DNAJC19: variants seen among roughly 807,000 people sequenced by gnomAD.
DNAJC19 encodes mitochondrial import inner membrane translocase subunit TIM14.
DNAJC19 carries 15 observed loss-of-function variants against 19.8 expected under a neutral mutation model. The observed-to-expected ratio is 0.76, with a 90% CI of 0.51 to 1.17. The LOEUF (loss-of-function observed/expected upper bound fraction) is 1.17. DNAJC19 is among the 50% of genes most tolerant of loss of function. The pLI, the probability that DNAJC19 is intolerant of heterozygous loss-of-function variation, is 0.00. For synonymous variants in DNAJC19, 38 were observed against 42.1 expected, an observed-to-expected ratio of 0.90 and a Z score of 0.38; for missense variants, 105 against 140.9, an observed-to-expected ratio of 0.75 and a Z score of 1.29.
intron 4 of DNAJC19, among the ~76,000 whole-genome samples, chr3:180,986,286 G>GTTTTT (rs138755965): frequency 7.2e-6 from 1 of 138,604 alleles, no homozygotes. Flanking sequence ...GAAGAGTTTT[G>GTTTTT]TTTTTTTTTT....
At chr3:180,988,350 T>TTTA in intron 1 of DNAJC19, 121 bp from the exon 2 acceptor site, 1 of 1,116,498 alleles carries the variant, frequency 9.0e-7, no homozygotes, top group Non-Finnish European at 1.3e-6. Context: ...AACTTTTTTT[T>TTTA]TTCTTTTTTT....
intron 5 of DNAJC19, 47 bp downstream of exon 5, chr3:180,985,879 C>T: frequency 1.3e-6 from 2 of 1,482,212 alleles, no homozygotes. Flanking sequence ...CCATTAATAA[C>T]TATTGGTCAC....
intron 1 of DNAJC19, chr3:180,989,393 C>T: frequency 7.0e-7 from 1 of 1,435,728 alleles, no homozygotes; most frequent in East Asian, 2.5e-5. Flanking sequence ...GCTGGAGAAC[C>T]GTGCAGAAAG....
At chr3:180,984,847 A>T in intron 5 of DNAJC19, 137 bp from the exon 6 acceptor site, 1 of 622,168 alleles carries the variant, frequency 1.6e-6, no homozygotes, top group Non-Finnish European at 2.8e-6. Flanking sequence ...TTTTTAAAAA[A>T]TAACCCTGAC....
chr3:180,984,842 A>T (rs994927418), intron 5 of DNAJC19, 132 bp from the exon 6 acceptor site: 2 of 633,132 alleles, frequency 3.2e-6, no homozygotes, highest in Non-Finnish European at 5.5e-6. Context: ...TTTAATTTTT[A>T]AAAAATAACC....
In DNAJC19 at chr3:180,989,501, C is replaced by T; in HGVS notation, c.3+99G>A. 1.9e-6 allele frequency: 3 copies of T among 1,549,380 alleles called. No individual in the cohort carries two copies. In the South Asian group the frequency reaches 3.6e-5, roughly 18 times the overall value. On this transcript the variant is annotated intron_variant, in intron 1 of 5. Coordinates refer to ENST00000382564, the MANE Select transcript of DNAJC19 (RefSeq NM_145261.4). ...AACCGAAACCTCCCGCCCGCAGTCG[C>T]ACTAAGGAGCACAACTTCAACTCCA...
chr3:180,988,000 G>C (rs1048228709), intron 3 of DNAJC19, 23 bp downstream of exon 3: 1 of 1,613,416 alleles, frequency 6.2e-7, no homozygotes, highest in Non-Finnish European at 8.5e-7. Context: ...AATAGAAGCA[G>C]CAAAGAATTA....
rs764568129 is a variant in DNAJC19 at position 180,985,956 on chromosome 3, G to A, written c.250C>T (p.Arg84Ter). The A allele has an allele frequency of 5.6e-6, 9 of 1,613,536 alleles. No individual in the cohort carries two copies. In the Admixed American group the frequency reaches 8.3e-5, roughly 15 times the overall value. ...TCAGGATGATTTAAAAGCATAATTC[G>A]TCGATGAGCATCTCTTATTTTCCCT... ...NKGKIRDAHR[R>*]IMLLNHPDKG... Residue 84 changes from arginine (R) to a stop codon, truncating the protein, a stop_gained, in exon 5 of 6, where the codon CGA becomes TGA. Transcript: ENST00000382564. LOFTEE classifies it high-confidence loss of function.
intron 5 of DNAJC19, chr3:180,985,713 T>C (rs1577024153): frequency 1.9e-6 from 1 of 524,864 alleles, no homozygotes; most frequent in Non-Finnish European, 3.4e-6. Flanking sequence ...CCACAAAACA[T>C]AGTAATAGTA....
intron 4 of DNAJC19, 34 bp downstream of exon 4, chr3:180,986,909 A>G: frequency 1.3e-6 from 2 of 1,560,188 alleles, no homozygotes; most frequent in Non-Finnish European, 1.8e-6. Context: ...CTACAGTGGT[A>G]GAAAAATGCT....
rs1714884395 is a variant in DNAJC19, at chr3:180,985,976, T to C, written c.230A>G (p.Lys77Arg). Residue 77 changes from lysine to arginine, a missense_variant, in exon 5 of 6, where the codon AAA becomes AGA. Physicochemically the swap from Lys to Arg is conservative, Grantham distance 26. Coordinates refer to ENST00000382564, the MANE Select transcript of DNAJC19 (RefSeq NM_145261.4). ...AATTCGTCGATGAGCATCTCTTATTTTCCCTTTATTGGCAGTAGGGCTAAT... is the reference window on the plus strand; with the variant it reads ...AATTCGTCGATGAGCATCTCTTATTCTCCCTTTATTGGCAGTAGGGCTAAT... The part of the protein sequence containing the change: ...LGVSPTANKG[K>R]IRDAHRRIML... 1 of 1,613,472 alleles carries C rather than the reference T, an allele frequency of 6.2e-7. No individual in the cohort carries two copies. The highest frequency in any genetic ancestry group is 8.5e-7 in the Non-Finnish European group (1 of 1,179,792).
intron 4 of DNAJC19, 138 bp from the exon 5 acceptor site, chr3:180,986,134 A>T: frequency 2.8e-6 from 2 of 720,692 alleles, no homozygotes; most frequent in Non-Finnish European, 4.8e-6. Flanking sequence ...TAGAAACCTC[A>T]ACACACCCAA....
intron 1 of DNAJC19, among the ~76,000 whole-genome samples, chr3:180,989,007 CAAA>C (rs10585461): frequency 4.5e-4 from 57 of 127,792 alleles, no homozygotes; most frequent in Admixed American, 5.6e-4. Flanking sequence ...GACTCTGTCT[CAAA>C]AAAAAAAAAA....
chr3:180,987,277 CAG>C (rs1392932018), intron 3 of DNAJC19: 39 of 487,746 alleles, frequency 8.0e-5, no homozygotes, highest in African/African-American at 5.8e-4. Flanking sequence ...GACAAAATAA[CAG>C]TGTCTGAAAG....
At chr3:180,987,578 G>A (rs1714976869) in intron 3 of DNAJC19, 1 of 281,408 alleles carries the variant, frequency 3.6e-6, no homozygotes, top group East Asian at 9.0e-5. Context: ...TGACCACAGA[G>A]AGTATGACCA....
intron 3 of DNAJC19, 99 bp from the exon 4 acceptor site, chr3:180,987,121 A>C: frequency 9.3e-7 from 1 of 1,079,846 alleles, no homozygotes; most frequent in Non-Finnish European, 1.4e-6. Flanking sequence ...AAACTAAGAC[A>C]TTTCAGAGGA....
rs547217176 is a variant in DNAJC19, at chr3:180,984,601, A to G, written c.*39T>C. 7 of 1,459,896 alleles carry G rather than the reference A, an allele frequency of 4.8e-6. No homozygotes were observed. The Admixed American group carries it at 8.9e-5, about 19-fold the overall frequency. The allele number at this position is 1,459,896 out of a possible 1,614,324, so 90.4% of individuals were successfully genotyped here. A position where few individuals can be genotyped will look rare whatever the true frequency, so the allele number is the denominator to read the frequency against. ...TTATAAAAACTTAGTACTCATATAC[A>G]TAAACTAATACGAACTTAAAATTCA... On this transcript the variant is annotated 3_prime_UTR_variant, in exon 6 of 6. Coordinates refer to ENST00000382564, the MANE Select transcript of DNAJC19 (RefSeq NM_145261.4).
rs1553782525 is a variant in DNAJC19 at position 180,983,772 on chromosome 3, G to C, written c.*868C>G. On this transcript the variant is annotated 3_prime_UTR_variant, in exon 6 of 6. Coordinates refer to ENST00000382564, the MANE Select transcript of DNAJC19 (RefSeq NM_145261.4). The stretch of plus-strand genomic sequence containing the variant: ...ATTCTAAAGAGTCCAAATTAAATAT[G>C]TTGATATTGAGAACATTTCAGTTTT... 2 of 452,954 alleles carry C rather than the reference G, an allele frequency of 4.4e-6. No individual in the cohort carries two copies. Among genetic ancestry groups the C allele is most frequent in the South Asian group, 3.1e-5 (2 of 64,214 alleles). 28.1% of individuals were successfully genotyped at this position (452,954 alleles called of 1,614,324 possible).
At chr3:180,986,133 C>T in intron 4 of DNAJC19, 137 bp from the exon 5 acceptor site, 1 of 719,100 alleles carries the variant, frequency 1.4e-6, no homozygotes. Context: ...TTAGAAACCT[C>T]AACACACCCA....
Sources: allele counts gnomAD v4.1 joint callset (sites outside exome capture counted in the v4.1 genomes callset), GRCh38; gene constraint gnomAD v4.1.1; transcripts MANE v1.5; gene names NCBI Gene and HGNC (gene_info 2026-07-23, HGNC 2026-07-21).